Variants in RPS6KC1 observed in about 807,000 individuals in gnomAD.
RPS6KC1 encodes ribosomal protein S6 kinase C1.
In RPS6KC1, 54 loss-of-function variants were observed where a neutral mutation model predicts 103.8. The observed-to-expected ratio is 0.52, with a 90% CI of 0.42 to 0.65. The LOEUF is 0.65. Ranked by LOEUF, RPS6KC1 falls within the 30% of genes least tolerant of loss-of-function variation. The probability of loss-of-function intolerance (pLI) is 0.00; values close to 1 mark genes in which losing one functional copy is unlikely to be tolerated. For missense variants in RPS6KC1, 1,151 were observed against 1,253.8 expected, an observed-to-expected ratio of 0.92 and a Z score of 1.24; for synonymous variants, 439 against 438.7, an observed-to-expected ratio of 1.00 and a Z score of -0.01.
chr1:213,752,803 T>C, the RPS6KC1 span, among the ~76,000 whole-genome samples: 1 of 152,126 alleles, frequency 6.6e-6, no homozygotes, highest in Admixed American at 6.5e-5. Flanking sequence ...GGGGAACAGA[T>C]CTGATCTTTC....
chr1:213,611,994 C>T, the RPS6KC1 span, among the ~76,000 whole-genome samples: 2 of 152,146 alleles, frequency 1.3e-5, no homozygotes, highest in Admixed American at 6.5e-5. Flanking sequence ...ATAGACCAGG[C>T]CAGATACAAA....
the RPS6KC1 span, among the ~76,000 whole-genome samples, chr1:213,594,993 C>T: frequency 1.3e-5 from 2 of 152,142 alleles, no homozygotes; most frequent in South Asian, 4.1e-4. Flanking sequence ...AGGCATACAT[C>T]AGAAACATCA....
the RPS6KC1 span, among the ~76,000 whole-genome samples, chr1:213,817,464 G>A: frequency 2.6e-5 from 4 of 152,214 alleles, no homozygotes; most frequent in Non-Finnish European, 5.9e-5. Flanking sequence ...ATTCTCCACT[G>A]CCAATTATTT....
the RPS6KC1 span, among the ~76,000 whole-genome samples, chr1:213,346,799 C>T: frequency 6.6e-6 from 1 of 152,114 alleles, no homozygotes; most frequent in East Asian, 1.9e-4. Flanking sequence ...CTTATGAAAA[C>T]AGCATGGCCT....
chr1:213,051,462 C>A lies in RPS6KC1; in HGVS notation c.58C>A (p.Pro20Thr), dbSNP rs761152136. The A allele has an allele frequency of 1.4e-5, 22 of 1,613,532 alleles. No homozygotes were observed. The South Asian group carries it at 2.4e-4, about 18-fold the overall frequency. The change falls in exon 1 of 15, where the codon CCC becomes ACC. Residue 20 changes from proline to threonine, a missense_variant. By Grantham distance (38) the Pro-to-Thr change is conservative (BLOSUM62 -1). Coordinates refer to ENST00000366960, the MANE Select transcript of RPS6KC1 (RefSeq NM_012424.6). The part of the protein sequence containing the change: ...DLARFYTVTE[P>T]QRHPRGYTVY... The stretch of plus-strand genomic sequence containing the variant: ...GGCCCGTTTCTACACTGTCACCGAG[C>A]CCCAGCGACACCCGAGGGGCTACAC...
At chr1:213,763,488 T>A in the RPS6KC1 span, among the ~76,000 whole-genome samples, 1 of 152,128 alleles carries the variant, frequency 6.6e-6, no homozygotes, top group Admixed American at 6.5e-5. Context: ...GGACCCAAGG[T>A]CAATTCCGAG....
chr1:213,590,542 G>A, the RPS6KC1 span, among the ~76,000 whole-genome samples: 1 of 152,166 alleles, frequency 6.6e-6, no homozygotes, highest in South Asian at 2.1e-4. Flanking sequence ...TCTCAGCTGA[G>A]GCCTCAGAGG....
At chr1:213,086,930 C>T (rs181036552) in intron 3 of RPS6KC1, among the ~76,000 whole-genome samples, 2 of 151,898 alleles carry the variant, frequency 1.3e-5, no homozygotes, top group Non-Finnish European at 2.9e-5. Flanking sequence ...ATATTTAGTT[C>T]TCTTTGTACT....
At chr1:213,812,285 T>G in the RPS6KC1 span, among the ~76,000 whole-genome samples, 1 of 152,146 alleles carries the variant, frequency 6.6e-6, no homozygotes, top group African/African-American at 2.4e-5. Flanking sequence ...AGATTCCATG[T>G]CCTCTTTTTG....
the RPS6KC1 span, among the ~76,000 whole-genome samples, chr1:213,597,376 G>A: frequency 9.9e-5 from 15 of 152,236 alleles, no homozygotes; most frequent in African/African-American, 3.6e-4. Flanking sequence ...ATGTCCGCCA[G>A]TCTAGGAGTG....
chr1:213,114,222 C>G (rs1335853186), intron 4 of RPS6KC1, among the ~76,000 whole-genome samples: 1 of 151,870 alleles, frequency 6.6e-6, no homozygotes, highest in African/African-American at 2.4e-5. Flanking sequence ...TGTTTGTATC[C>G]TCTTTTATTT....
intron 2 of RPS6KC1, among the ~76,000 whole-genome samples, chr1:213,076,064 G>A (rs1219730418): frequency 6.6e-6 from 1 of 152,174 alleles, no homozygotes; most frequent in African/African-American, 2.4e-5. Flanking sequence ...ACTCTTTGAA[G>A]GCAGGACCTG....
the RPS6KC1 span, among the ~76,000 whole-genome samples, chr1:213,602,012 T>TTC: frequency 2.6e-5 from 1 of 38,772 alleles, no homozygotes; most frequent in East Asian, 1.4e-3. Flanking sequence ...TTTTCTTTTC[T>TTC]TTTCTTTCTT....
At chr1:213,381,928 T>C in the RPS6KC1 span, among the ~76,000 whole-genome samples, 3 of 152,158 alleles carry the variant, frequency 2.0e-5, no homozygotes, top group Non-Finnish European at 2.9e-5. Flanking sequence ...TGAGAAGTTG[T>C]GTTTTTCTTG....
At chr1:213,665,169 C>T in the RPS6KC1 span, among the ~76,000 whole-genome samples, 1 of 151,504 alleles carries the variant, frequency 6.6e-6, no homozygotes, top group South Asian at 2.1e-4. Flanking sequence ...AAAGGAACAT[C>T]TTAATAAATA....
the RPS6KC1 span, among the ~76,000 whole-genome samples, chr1:213,628,568 C>T: frequency 2.6e-5 from 4 of 152,170 alleles, no homozygotes; most frequent in African/African-American, 4.8e-5. Context: ...TGTTGTTGTG[C>T]TGCCCCTATT....
intron 14 of RPS6KC1, among the ~76,000 whole-genome samples, chr1:213,270,605 G>A (rs989035579): frequency 6.6e-5 from 10 of 151,782 alleles, no homozygotes; most frequent in South Asian, 6.2e-4. Context: ...GTGAGACCCC[G>A]CCTCTATGAA....
At chr1:213,583,896 A>G in the RPS6KC1 span, among the ~76,000 whole-genome samples, 5 of 151,620 alleles carry the variant, frequency 3.3e-5, no homozygotes, top group East Asian at 7.8e-4. Flanking sequence ...CCCATCCCCC[A>G]GAGTATCTGA....
At chr1:213,428,257 G>A in the RPS6KC1 span, among the ~76,000 whole-genome samples, 1 of 152,136 alleles carries the variant, frequency 6.6e-6, no homozygotes, top group Non-Finnish European at 1.5e-5. Context: ...CTCCAAATGT[G>A]AATCATCTGT....
Sources: allele counts gnomAD v4.1 joint callset (sites outside exome capture counted in the v4.1 genomes callset), GRCh38; gene constraint gnomAD v4.1.1; transcripts MANE v1.5; gene names NCBI Gene and HGNC (gene_info 2026-07-23, HGNC 2026-07-21).